ATXN1: variants seen among roughly 807,000 people sequenced by gnomAD.
The protein encoded by ATXN1 is ataxin 1, also known as ataxin-1.
Under a neutral mutation model 56.4 loss-of-function variants are expected in ATXN1, and 8 were observed. That is an observed-to-expected ratio of 0.14 (90% CI 0.08 to 0.26). The LOEUF is 0.26. Ranked by LOEUF, ATXN1 falls within the 10% of genes least tolerant of loss-of-function variation. The pLI is 1.00. For synonymous variants in ATXN1, 514 were observed against 494.6 expected (o/e 1.04, Z -0.52); for missense variants, 987 against 1,106.5 (o/e 0.89, Z 1.53).
chr6:16,571,420 T>C (rs573223461), intron 4 of ATXN1, among the ~76,000 whole-genome samples: 19 of 152,346 alleles, frequency 1.2e-4, no homozygotes, highest in Admixed American at 5.2e-4. Context: ...ATCTAGAGGC[T>C]ACTTCATGGA....
At chr6:16,660,012 G>C (rs1373308512) in intron 2 of ATXN1, among the ~76,000 whole-genome samples, 2 of 152,150 alleles carry the variant, frequency 1.3e-5, no homozygotes, top group East Asian at 3.8e-4. Flanking sequence ...ATGTGAAGGA[G>C]TTGGAAGTGA....
At chr6:16,588,902 A>G (rs558247119) in intron 3 of ATXN1, among the ~76,000 whole-genome samples, 6 of 152,286 alleles carry the variant, frequency 3.9e-5, no homozygotes, top group East Asian at 3.9e-4. Flanking sequence ...CAGCACACAG[A>G]GTATGACATC....
intron 6 of ATXN1, among the ~76,000 whole-genome samples, chr6:16,364,611 A>AT (rs1761878221): frequency 6.6e-6 from 1 of 152,104 alleles, no homozygotes; most frequent in Admixed American, 6.6e-5. Context: ...CCAGTTCTAG[A>AT]TATTTTGAGG....
intron 6 of ATXN1, among the ~76,000 whole-genome samples, chr6:16,375,650 C>T (rs1199741818): frequency 6.6e-6 from 1 of 152,146 alleles, no homozygotes; most frequent in Non-Finnish European, 1.5e-5. Context: ...TCCATCAGAC[C>T]ACAATGCTTG....
At chr6:16,385,568 G>C (rs1581727861) in intron 6 of ATXN1, among the ~76,000 whole-genome samples, 1 of 152,214 alleles carries the variant, frequency 6.6e-6, no homozygotes, top group Non-Finnish European at 1.5e-5. Flanking sequence ...AGATATGGGA[G>C]AAATCATGGT....
At chr6:16,604,303 C>T (rs151325754) in intron 3 of ATXN1, among the ~76,000 whole-genome samples, 3 of 128,548 alleles carry the variant, frequency 2.3e-5, no homozygotes, top group African/African-American at 9.1e-5. Flanking sequence ...CCAGCCTGGG[C>T]AACACAGCAA....
At chr6:16,751,954 T>C (rs139954671) in intron 2 of ATXN1, among the ~76,000 whole-genome samples, 110 of 152,326 alleles carry the variant, frequency 7.2e-4, no homozygotes, top group African/African-American at 2.4e-3. Context: ...CTCCATCTTA[T>C]ACATGAATAA....
intron 6 of ATXN1, among the ~76,000 whole-genome samples, chr6:16,345,642 G>A (rs560323261): frequency 1.5e-3 from 236 of 152,338 alleles, no homozygotes; most frequent in Non-Finnish European, 2.5e-3. Context: ...AGCCCAGCAA[G>A]TGGGAAGCCT....
At chr6:16,505,221 A>G (rs1760960899) in intron 5 of ATXN1, among the ~76,000 whole-genome samples, 1 of 152,164 alleles carries the variant, frequency 6.6e-6, no homozygotes, top group Non-Finnish European at 1.5e-5. Flanking sequence ...GCCTGAAAGA[A>G]GAAAACATAC....
intron 2 of ATXN1, among the ~76,000 whole-genome samples, chr6:16,718,802 T>C (rs1759689873): frequency 6.6e-6 from 1 of 152,248 alleles, no homozygotes; most frequent in South Asian, 2.1e-4. Flanking sequence ...AAGCTGTGCA[T>C]TGTACGCACA....
intron 2 of ATXN1, among the ~76,000 whole-genome samples, chr6:16,716,511 C>A (rs1759644159): frequency 6.6e-6 from 1 of 152,184 alleles, no homozygotes; most frequent in Non-Finnish European, 1.5e-5. Flanking sequence ...AAGTCACATT[C>A]CCTCTCTGAT....
intron 6 of ATXN1, among the ~76,000 whole-genome samples, chr6:16,336,724 T>A (rs2113431549): frequency 6.6e-6 from 1 of 152,278 alleles, no homozygotes; most frequent in African/African-American, 2.4e-5. Context: ...CACCACATTT[T>A]CCTTTTCTTT....
intron 6 of ATXN1, among the ~76,000 whole-genome samples, chr6:16,349,921 T>C (rs1418736661): frequency 2.0e-5 from 3 of 152,230 alleles, no homozygotes; most frequent in African/African-American, 7.2e-5. Flanking sequence ...GCAGAACACA[T>C]AGTACACTGT....
intron 4 of ATXN1, among the ~76,000 whole-genome samples, chr6:16,582,257 C>T (rs1245076689): frequency 2.0e-5 from 3 of 152,176 alleles, no homozygotes; most frequent in African/African-American, 7.2e-5. Flanking sequence ...CCCCTGTTCC[C>T]CCAAACCAGT....
In ATXN1 at chr6:16,304,918, A is replaced by C. The variant is rs1416089779; in HGVS notation, c.*1411T>G. The C allele has an allele frequency of 6.6e-6, 1 of 152,638 alleles. No homozygotes were observed. The highest frequency in any genetic ancestry group is 1.5e-5 in the Non-Finnish European group (1 of 68,038). The allele number at this position is 152,638 out of a possible 1,614,324, so 9.5% of individuals were successfully genotyped here. A position where few individuals can be genotyped will look rare whatever the true frequency, so the allele number is the denominator to read the frequency against. On this transcript the variant is annotated 3_prime_UTR_variant, in exon 8 of 8. Coordinates refer to ENST00000436367, the MANE Select transcript of ATXN1 (RefSeq NM_001128164.2). ...CCAACTCTGCATATGCCTTGAACTGATTCTCAGACATCAAAGTGAAAAGTG... is the reference window on the plus strand; with the variant it reads ...CCAACTCTGCATATGCCTTGAACTGCTTCTCAGACATCAAAGTGAAAAGTG...
At chr6:16,722,047 C>T (rs372168543) in intron 2 of ATXN1, among the ~76,000 whole-genome samples, 34 of 152,328 alleles carry the variant, frequency 2.2e-4, no homozygotes, top group African/African-American at 7.7e-4. Flanking sequence ...TCAGTGGCCT[C>T]ACCTGACCAC....
At chr6:16,343,624 C>T (rs534604923) in intron 6 of ATXN1, among the ~76,000 whole-genome samples, 150 of 152,316 alleles carry the variant, frequency 9.8e-4, no homozygotes, top group African/African-American at 3.4e-3. Flanking sequence ...TCATTGCTCA[C>T]TGAAGACTGA....
rs74580155 is a variant in ATXN1 at position 16,353,306 on chromosome 6, G to C, written c.-160-24836C>G. On this transcript the variant is annotated intron_variant, in intron 6 of 7. Transcript: ENST00000436367. The stretch of plus-strand genomic sequence containing the variant: ...CAGAAATGTGCCAAGAAAGCAGAAA[G>C]GAAAAGCGCTCATAGAATGGGGAAT... Among the ~76,000 whole-genome samples, 3 of 152,140 alleles carry C rather than the reference G, an allele frequency of 2.0e-5. No homozygotes were observed. In the South Asian group the frequency reaches 6.2e-4, roughly 32 times the overall value.
chr6:16,336,028 C>T (rs1466706486), intron 6 of ATXN1, among the ~76,000 whole-genome samples: 2 of 152,176 alleles, frequency 1.3e-5, no homozygotes, highest in African/African-American at 4.8e-5. Context: ...TTATGGCAGC[C>T]CTAAGAAACC....
Sources: gnomAD v4.1 joint callset for allele counts (sites outside exome capture counted in the v4.1 genomes callset) on GRCh38, gnomAD v4.1.1 for gene constraint, MANE v1.5 for transcripts, NCBI Gene and HGNC (gene_info 2026-07-23, HGNC 2026-07-21) for gene names.